Variants in AFF3 observed in about 807,000 individuals in gnomAD.
AFF3 encodes the protein ALF transcription elongation factor 3, also known as AF4/FMR2 family member 3.
In AFF3, 32 loss-of-function variants were observed where a neutral mutation model predicts 129.7. The observed-to-expected ratio is 0.25, with a 90% CI of 0.19 to 0.33. The LOEUF (loss-of-function observed/expected upper bound fraction) is 0.33. Ranked by LOEUF, AFF3 falls within the 10% of genes least tolerant of loss-of-function variation. The pLI is 1.00. For missense variants in AFF3, 1,373 were observed against 1,592.0 expected, an observed-to-expected ratio of 0.86 and a Z score of 2.34; for synonymous variants, 644 against 635.4, an observed-to-expected ratio of 1.01 and a Z score of -0.20.
intron 7 of AFF3, among the ~76,000 whole-genome samples, chr2:99,956,121 CTT>C (rs548304397): frequency 3.0e-4 from 42 of 141,998 alleles, no homozygotes; most frequent in African/African-American, 4.3e-4. Context: ...CTCATTTAGT[CTT>C]TTTTTTTTTT....
At chr2:99,776,996 G>C (rs1352955090) in intron 8 of AFF3, among the ~76,000 whole-genome samples, 1 of 152,178 alleles carries the variant, frequency 6.6e-6, no homozygotes, top group Non-Finnish European at 1.5e-5. Flanking sequence ...GAAGCTTACA[G>C]GGCAGTTGGG....
Position 99,705,512 on chromosome 2 carries a change from T to A in AFF3, c.1091+21565A>T, listed in dbSNP as rs201591514. Among the ~76,000 whole-genome samples the A allele has an allele frequency of 2.6e-5, 4 of 151,284 alleles. No homozygotes were observed. In the East Asian group the frequency reaches 7.8e-4, roughly 30 times the overall value. On this transcript the variant is annotated intron_variant, in intron 11 of 24. Transcript: ENST00000672756. ...AAATAAGTTTAAGGTGAAAAAAAAATAGAAATTTAGGATGCTGCTCCAAAT... is the reference window on the plus strand; with the variant it reads ...AAATAAGTTTAAGGTGAAAAAAAAAAAGAAATTTAGGATGCTGCTCCAAAT...
In AFF3 at chr2:99,828,291, G is replaced by A. The variant is rs553441383; in HGVS notation, c.921+9186C>T. 1.6e-3 allele frequency among the ~76,000 whole-genome samples: 237 copies of A among 152,290 alleles called. 1 individual carries two copies. The highest frequency in any genetic ancestry group is 5.5e-3 in the African/African-American group (230 of 41,566). On this transcript the variant is annotated intron_variant, in intron 8 of 24. Transcript: ENST00000672756. The stretch of plus-strand genomic sequence containing the variant: ...ATTGCATTGATGGTGAGCTCCAGCG[G>A]GGAATAAGTTACCCTTCAAGGAAGA...
At chr2:99,910,112 T>C (rs958261239) in intron 7 of AFF3, among the ~76,000 whole-genome samples, 1 of 152,220 alleles carries the variant, frequency 6.6e-6, no homozygotes, top group Non-Finnish European at 1.5e-5. Flanking sequence ...TGATTTGGAT[T>C]GAAAAGAGCA....
intron 7 of AFF3, among the ~76,000 whole-genome samples, chr2:99,844,436 T>TC (rs1689569432): frequency 8.5e-6 from 1 of 118,030 alleles, no homozygotes. Flanking sequence ...TTTCTTTTCT[T>TC]TTTTTTTTTT....
chr2:99,950,768 A>G lies in AFF3; in HGVS notation c.873+55864T>C, dbSNP rs914147747. Among the ~76,000 whole-genome samples, 4 of 152,222 alleles carry G rather than the reference A, an allele frequency of 2.6e-5. No homozygotes were observed. In the East Asian group the frequency reaches 5.8e-4, roughly 22 times the overall value. On this transcript the variant is annotated intron_variant, in intron 7 of 24. Transcript: ENST00000672756. ...ACTCATATCAATATGTGAATTTTAA[A>G]CTGTGTATTATTTATGTTTCTTGCC...
intron 4 of AFF3, among the ~76,000 whole-genome samples, chr2:100,063,982 G>C (rs1467959293): frequency 1.3e-5 from 2 of 151,894 alleles, no homozygotes; most frequent in Non-Finnish European, 2.9e-5. Context: ...CCAGCTACTC[G>C]GGAGGCTGAG....
At position 100,104,527 on chromosome 2, in the gene AFF3, A is replaced by G. The variant is rs1321236154; in HGVS notation, c.-64-9T>C. 18 of 1,241,174 alleles carry G rather than the reference A, an allele frequency of 1.5e-5. No individual in the cohort carries two copies. The highest frequency in any genetic ancestry group is 1.8e-5 in the Non-Finnish European group (17 of 968,246). 76.9% of individuals were successfully genotyped at this position (1,241,174 alleles called of 1,614,324 possible). On this transcript the variant is annotated splice_polypyrimidine_tract_variant and intron_variant, in intron 3 of 24. Coordinates refer to ENST00000672756, the MANE Select transcript of AFF3 (RefSeq NM_001386135.1). Reference sequence around the variant, plus strand: ...CTCGGGCCGCCCGCGCGCTGCAACGAAAGGCGCCGCTCAAGGTGCATCCCA... The same window carrying G: ...CTCGGGCCGCCCGCGCGCTGCAACGGAAGGCGCCGCTCAAGGTGCATCCCA...
intron 7 of AFF3, among the ~76,000 whole-genome samples, chr2:99,900,431 A>T (rs1694262738): frequency 6.6e-6 from 1 of 150,858 alleles, no homozygotes; most frequent in African/African-American, 2.4e-5. Context: ...GCCCACCCCC[A>T]CTCCCCTTCT....
At chr2:99,556,096 C>G (rs1674890616) in intron 22 of AFF3, among the ~76,000 whole-genome samples, 1 of 152,082 alleles carries the variant, frequency 6.6e-6, no homozygotes, top group Admixed American at 6.6e-5. Flanking sequence ...TATAAGAACA[C>G]TAATGGCAGA....
chr2:100,029,370 G>T (rs1430530588), intron 4 of AFF3, among the ~76,000 whole-genome samples: 1 of 152,148 alleles, frequency 6.6e-6, no homozygotes. Flanking sequence ...CTGCAGCCAG[G>T]GACAGAGGCC....
chr2:99,708,394 G>A (rs375172340), intron 11 of AFF3, among the ~76,000 whole-genome samples: 13 of 152,198 alleles, frequency 8.5e-5, no homozygotes, highest in African/African-American at 3.1e-4. Flanking sequence ...GCTCCACAGA[G>A]CATGTCACAT....
chr2:99,609,178 A>G (rs1558641077), intron 13 of AFF3, among the ~76,000 whole-genome samples: 1 of 151,840 alleles, frequency 6.6e-6, no homozygotes, highest in Non-Finnish European at 1.5e-5. Flanking sequence ...ACCAAACACC[A>G]TTTTGTATTT....
At chr2:99,892,515 T>C (rs1406385743) in intron 7 of AFF3, among the ~76,000 whole-genome samples, 2 of 152,184 alleles carry the variant, frequency 1.3e-5, no homozygotes, top group Non-Finnish European at 2.9e-5. Context: ...GTATTTAATA[T>C]GGGATGTGAG....
At position 99,680,382 on chromosome 2, in the gene AFF3, C is replaced by T. The variant is rs1188459595; in HGVS notation, c.1092-7793G>A. On this transcript the variant is annotated intron_variant, in intron 11 of 24. Transcript: ENST00000672756. The stretch of plus-strand genomic sequence containing the variant: ...GTATTAAAGAATTGAGTTTCTAAGG[C>T]TAAATGAATGCAAGTAGTGTGTGAA... Among the ~76,000 whole-genome samples the T allele has an allele frequency of 3.3e-5, 5 of 152,130 alleles. No homozygotes were observed. The East Asian group carries it at 9.6e-4, about 29-fold the overall frequency.
intron 7 of AFF3, among the ~76,000 whole-genome samples, chr2:99,964,463 CAATCTCCAGATACTTGAA>C (rs1677537252): frequency 6.6e-6 from 1 of 152,096 alleles, no homozygotes; most frequent in Non-Finnish European, 1.5e-5. Context: ...GACAACAGAA[CAATCTCCAGATACTTGAA>C]AATTAAACAT....
intron 4 of AFF3, among the ~76,000 whole-genome samples, chr2:100,036,930 T>G (rs1684968191): frequency 6.6e-6 from 1 of 151,920 alleles, no homozygotes; most frequent in South Asian, 2.1e-4. Flanking sequence ...TAACCCTCAA[T>G]AACCTACAGA....
At chr2:100,088,405 C>T (rs1689616396) in intron 4 of AFF3, among the ~76,000 whole-genome samples, 1 of 152,182 alleles carries the variant, frequency 6.6e-6, no homozygotes, top group African/African-American at 2.4e-5. Flanking sequence ...TAATCACTGG[C>T]ACCTAAAAAG....
intron 4 of AFF3, among the ~76,000 whole-genome samples, chr2:100,084,972 T>C (rs1291409429): frequency 2.6e-5 from 4 of 151,662 alleles, no homozygotes; most frequent in Non-Finnish European, 5.9e-5. Context: ...TATCCAAATA[T>C]ATTAGCATAT....
Sources: allele counts gnomAD v4.1 joint callset (sites outside exome capture counted in the v4.1 genomes callset), GRCh38; gene constraint gnomAD v4.1.1; transcripts MANE v1.5; gene names NCBI Gene and HGNC (gene_info 2026-07-23, HGNC 2026-07-21).